MAST4: variants seen among roughly 807,000 people sequenced by gnomAD.
The protein encoded by MAST4 is microtubule-associated serine/threonine-protein kinase 4.
MAST4 carries 89 observed loss-of-function variants against 162.7 expected under a neutral mutation model. The observed-to-expected ratio is 0.55, with a 90% CI of 0.46 to 0.65. MAST4 has a LOEUF of 0.65. MAST4 is among the 30% of genes least tolerant of loss of function. The pLI, the probability that MAST4 is intolerant of heterozygous loss-of-function variation, is 0.00. For synonymous variants in MAST4, 1,479 were observed against 1,361.1 expected, an observed-to-expected ratio of 1.09 and a Z score of -1.91; for missense variants, 3,153 against 3,374.0, an observed-to-expected ratio of 0.93 and a Z score of 1.62.
At chr5:66,626,060 A>T (rs1744405618) in intron 1 of MAST4, among the ~76,000 whole-genome samples, 1 of 152,244 alleles carries the variant, frequency 6.6e-6, no homozygotes, top group Non-Finnish European at 1.5e-5. Flanking sequence ...CTTAACATAG[A>T]ATCTAAAATA....
chr5:67,094,320 A>G (rs1764192885), intron 6 of MAST4, among the ~76,000 whole-genome samples: 1 of 152,190 alleles, frequency 6.6e-6, no homozygotes, highest in Admixed American at 6.5e-5. Context: ...TTAGGCTAAA[A>G]TGTCAGTTTT....
chr5:67,008,990 G>C (rs1415166608), intron 4 of MAST4, among the ~76,000 whole-genome samples: 1 of 152,008 alleles, frequency 6.6e-6, no homozygotes, highest in Non-Finnish European at 1.5e-5. Flanking sequence ...CTCTTGCCCT[G>C]GTATTCCAGG....
chr5:67,164,035 C>G lies in MAST4; in HGVS notation c.4856C>G (p.Ala1619Gly). 6.3e-7 allele frequency: 1 copy of G among 1,582,472 alleles called. No homozygotes were observed. Among genetic ancestry groups the G allele is most frequent in the Non-Finnish European group, 8.6e-7 (1 of 1,164,038 alleles). Residue 1619 changes from alanine to glycine, a missense_variant, in exon 29 of 29, where the codon GCG becomes GGG. Around this residue, in one of 7 missense-constraint regions of MAST4, gnomAD observed 1,644 missense variants for 1,495.0 expected, o/e 1.10. Coordinates refer to ENST00000403625, the MANE Select transcript of MAST4 (RefSeq NM_001164664.2). The surrounding 1 kb of genome is among the most constrained non-coding windows in gnomAD (Gnocchi z 5.3). The part of the protein sequence containing the change: ...KQASVRASEG[A>G]MSDGRVPAEH... ...GCCAGCGTGCGCGCCAGCGAGGGTG[C>G]GATGTCGGATGGCCGGGTGCCTGCG...
At position 67,165,574 on chromosome 5, in the gene MAST4, G is replaced by A. The variant is rs1262555417; in HGVS notation, c.6395G>A (p.Ser2132Asn). 1.9e-6 allele frequency: 3 copies of A among 1,613,948 alleles called. No homozygotes were observed. The highest frequency in any genetic ancestry group is 1.7e-6 in the Non-Finnish European group (2 of 1,179,858). Residue 2132 changes from serine (S) to asparagine (N), a missense_variant, in exon 29 of 29, where the codon AGC becomes AAC. Ser to Asn is a conservative substitution (Grantham distance 46). This residue lies in a region of MAST4 where 1,644 missense variants were observed against 1,495.0 expected (regional missense o/e 1.10). Transcript: ENST00000403625. The part of the protein sequence containing the change: ...KEQPLQRHPS[S>N]IPPPPLTAKD... ...CAGCCTCTACAAAGGCATCCCAGCA[G>A]CATCCCTCCGCCCCCTCTGACGGCC...
chr5:66,742,184 A>C (rs1204356192), intron 1 of MAST4, among the ~76,000 whole-genome samples: 1 of 152,152 alleles, frequency 6.6e-6, no homozygotes, highest in Non-Finnish European at 1.5e-5. Context: ...TTGGAGCGTG[A>C]GAGACGGAGC....
intron 4 of MAST4, among the ~76,000 whole-genome samples, chr5:67,037,138 T>C (rs1342354217): frequency 6.6e-6 from 1 of 152,140 alleles, no homozygotes; most frequent in Non-Finnish European, 1.5e-5. Flanking sequence ...CTTAAGCTTG[T>C]AATCCCAGCA....
Position 67,163,188 on chromosome 5 carries a change from C to T in MAST4, c.4009C>T (p.Pro1337Ser), listed in dbSNP as rs1406454887. Residue 1337 changes from proline to serine, a missense_variant, in exon 29 of 29, where the codon CCC (proline) becomes TCC (serine). Coordinates refer to ENST00000403625, the MANE Select transcript of MAST4 (RefSeq NM_001164664.2). This position sits in a 1 kb window ranked among gnomAD's most constrained non-coding sequence, Gnocchi z 7.0. ...SQSSSPSSSAPNSPAGSGHIR... is the reference protein window; with the variant it reads ...SQSSSPSSSASNSPAGSGHIR... ...GAGCAGCTCCCCTAGTTCTAGTGCC[C>T]CCAATTCCCCAGCAGGGTCCGGGCA... 1 of 1,612,148 alleles carries T rather than the reference C, an allele frequency of 6.2e-7. No individual in the cohort carries two copies. The highest frequency in any genetic ancestry group is 8.5e-7 in the Non-Finnish European group (1 of 1,178,462).
chr5:66,866,074 CAAAA>C (rs57347322), intron 3 of MAST4, among the ~76,000 whole-genome samples: 1 of 115,760 alleles, frequency 8.6e-6, no homozygotes, highest in Non-Finnish European at 1.7e-5. Context: ...ATCTCCATCT[CAAAA>C]AAAAAAAAAA....
At chr5:66,823,376 G>T (rs1455480036) in intron 3 of MAST4, among the ~76,000 whole-genome samples, 1 of 152,216 alleles carries the variant, frequency 6.6e-6, no homozygotes, top group African/African-American at 2.4e-5. Flanking sequence ...TCTGTGAAAT[G>T]GGGATTATAA....
intron 1 of MAST4, among the ~76,000 whole-genome samples, chr5:66,734,794 C>T (rs58121276): frequency 0.035 from 5,384 of 152,294 alleles, 163 homozygotes; most frequent in South Asian, 0.12. Flanking sequence ...TTGGACGGCA[C>T]AGTGTTGGAA....
intron 4 of MAST4, among the ~76,000 whole-genome samples, chr5:66,901,583 G>A (rs1303821275): frequency 6.6e-6 from 1 of 152,094 alleles, no homozygotes; most frequent in African/African-American, 2.4e-5. Flanking sequence ...AACATAGTAA[G>A]AGAAAGTCTG....
Position 67,149,718 on chromosome 5 carries a change from C to T in MAST4, c.3295+129C>T, listed in dbSNP as rs1184681680. 4 of 902,952 alleles carry T rather than the reference C, an allele frequency of 4.4e-6. No individual in the cohort carries two copies. In the East Asian group the frequency reaches 7.9e-5, roughly 18 times the overall value. The allele number at this position is 902,952 out of a possible 1,614,324, so 55.9% of individuals were successfully genotyped here. A position where few individuals can be genotyped will look rare whatever the true frequency, so the allele number is the denominator to read the frequency against. On this transcript the variant is annotated intron_variant, in intron 24 of 28. Coordinates refer to ENST00000403625, the MANE Select transcript of MAST4 (RefSeq NM_001164664.2). The stretch of plus-strand genomic sequence containing the variant: ...AATAACGGGTCATGTCCCAGGACAG[C>T]TCTTGAGAGCTTCTGCCTGCAGACT...
intron 21 of MAST4, among the ~76,000 whole-genome samples, chr5:67,143,947 A>G (rs757922216): frequency 2.6e-5 from 4 of 151,998 alleles, no homozygotes; most frequent in Non-Finnish European, 4.4e-5. Flanking sequence ...CAAGTGTCTG[A>G]GCAGGGCAGT....
At chr5:66,661,422 C>T (rs1580131055) in intron 1 of MAST4, among the ~76,000 whole-genome samples, 1 of 152,172 alleles carries the variant, frequency 6.6e-6, no homozygotes, top group South Asian at 2.1e-4. Context: ...TGTTTAAATT[C>T]CTGTCACTGG....
At chr5:67,039,332 A>G (rs1581295706) in intron 4 of MAST4, among the ~76,000 whole-genome samples, 1 of 152,204 alleles carries the variant, frequency 6.6e-6, no homozygotes, top group African/African-American at 2.4e-5. Flanking sequence ...GTAGGGTGCC[A>G]TCTGTCTATA....
At chr5:66,840,650 A>T (rs542707273) in intron 3 of MAST4, among the ~76,000 whole-genome samples, 5 of 152,266 alleles carry the variant, frequency 3.3e-5, no homozygotes, top group African/African-American at 1.2e-4. Flanking sequence ...CTATTAGTGG[A>T]TGTATCATGA....
rs77335962 is a variant in MAST4 at position 67,012,023 on chromosome 5, T to A, written c.675-42381T>A. 7.4e-3 allele frequency among the ~76,000 whole-genome samples: 1,132 copies of A among 152,338 alleles called. 17 individuals carry two copies. The highest frequency in any genetic ancestry group is 0.029 in the Admixed American group (438 of 15,302). On this transcript the variant is annotated intron_variant, in intron 4 of 28. Transcript: ENST00000403625. ...TTGTGTGTGTGTGAGAGAGAGTGTG[T>A]TTCTGTGTGTGTCTTCACTCAAGGC...
chr5:66,619,179 T>G (rs1226487347), intron 1 of MAST4, among the ~76,000 whole-genome samples: 1 of 152,156 alleles, frequency 6.6e-6, no homozygotes, highest in Non-Finnish European at 1.5e-5. Context: ...CAGGAGTAAC[T>G]ATAGTAGACG....
At chr5:66,651,044 A>G (rs1746182999) in intron 1 of MAST4, among the ~76,000 whole-genome samples, 1 of 152,184 alleles carries the variant, frequency 6.6e-6, no homozygotes, top group African/African-American at 2.4e-5. Context: ...CTGCTGTTAC[A>G]TACTTGCCGT....
Sources: gnomAD v4.1 joint callset for allele counts (sites outside exome capture counted in the v4.1 genomes callset) on GRCh38, gnomAD v4.1.1 for gene constraint, gnomAD v4.1.1 regional missense constraint, Gnocchi (gnomAD v3.1) non-coding constraint, MANE v1.5 for transcripts, NCBI Gene and HGNC (gene_info 2026-07-23, HGNC 2026-07-21) for gene names.